Variants in PHKB observed in about 807,000 individuals in gnomAD.
The protein encoded by PHKB is phosphorylase kinase regulatory subunit beta.
In PHKB, 122 loss-of-function variants were observed where a neutral mutation model predicts 152.1. That is an observed-to-expected ratio of 0.80 (90% confidence interval 0.69 to 0.93). The LOEUF is 0.93. Ranked by LOEUF, PHKB falls within the 40% of genes least tolerant of loss-of-function variation. PHKB has a pLI of 0.00. For synonymous variants in PHKB, 436 were observed against 464.9 expected (o/e 0.94, Z 0.80); for missense variants, 1,304 against 1,328.4 (o/e 0.98, Z 0.29).
At chr16:47,599,403 G>T (rs1040837929) in intron 13 of PHKB, among the ~76,000 whole-genome samples, 3 of 152,102 alleles carry the variant, frequency 2.0e-5, no homozygotes, top group Non-Finnish European at 2.9e-5. Context: ...AGATAAAATT[G>T]ACAAGGCTAG....
At chr16:47,543,609 G>A (rs531701246) in intron 6 of PHKB, among the ~76,000 whole-genome samples, 33 of 152,262 alleles carry the variant, frequency 2.2e-4, no homozygotes, top group Admixed American at 1.2e-3. Flanking sequence ...GGTACAATTC[G>A]GCTGTGAATC....
chr16:47,598,824 T>C (rs1972168951), intron 13 of PHKB: 2 of 1,603,264 alleles, frequency 1.2e-6, no homozygotes, highest in East Asian at 2.2e-5. Context: ...CTGGTTCCGC[T>C]TTAACCATAG....
At chr16:47,474,281 G>A (rs1264587006) in intron 1 of PHKB, among the ~76,000 whole-genome samples, 2 of 152,076 alleles carry the variant, frequency 1.3e-5, no homozygotes, top group Non-Finnish European at 2.9e-5. Flanking sequence ...GGCAATTTAA[G>A]ATTCAAGTCT....
At chr16:47,474,259 G>A (rs1417284712) in intron 1 of PHKB, among the ~76,000 whole-genome samples, 1 of 152,002 alleles carries the variant, frequency 6.6e-6, no homozygotes, top group East Asian at 1.9e-4. Context: ...TGTTTACATG[G>A]CCCTCCTTTT....
rs567585939 is a variant in PHKB, at chr16:47,651,120, T to G, written c.1971+199T>G. On this transcript the variant is annotated intron_variant, in intron 20 of 30. Coordinates refer to ENST00000323584, the MANE Select transcript of PHKB (RefSeq NM_000293.3). The stretch of plus-strand genomic sequence containing the variant: ...CTTGAACACTTGCAGCAATTTCCTG[T>G]GCAGAATTTTAGACTTCAGTAGCTC... Among the ~76,000 whole-genome samples the G allele has an allele frequency of 2.0e-5, 3 of 152,312 alleles. No individual in the cohort carries two copies. In the South Asian group the frequency reaches 6.2e-4, roughly 32 times the overall value.
chr16:47,593,613 A>G (rs1442006940), intron 11 of PHKB, 56 bp downstream of exon 11: 2 of 1,036,796 alleles, frequency 1.9e-6, no homozygotes, highest in Non-Finnish European at 3.0e-6. Flanking sequence ...TTTAAGCTGT[A>G]GGATTTAAGT....
Position 47,504,573 on chromosome 16 carries a change from A to T in PHKB, c.405+1483A>T, listed in dbSNP as rs140290938. Among the ~76,000 whole-genome samples, 98 of 152,048 alleles carry T rather than the reference A, an allele frequency of 6.4e-4. 1 individual carries two copies. The highest frequency in any genetic ancestry group is 2.1e-3 in the African/African-American group (88 of 41,478). On this transcript the variant is annotated intron_variant, in intron 4 of 30. Coordinates refer to ENST00000323584, the MANE Select transcript of PHKB (RefSeq NM_000293.3). ...TAGCAGTCTCAGGCCTACTATATTA[A>T]CTCTTTTCAGGACAATCTGCATAAA...
In PHKB at chr16:47,669,478, C is replaced by T. The variant is rs530940317; in HGVS notation, c.2630+61C>T. Reference sequence around the variant, plus strand: ...TGTTCAAGTTGTCCTCTAACAGACCCGGCCTCTCCAAGTGAAGCAATGTTC... The same window carrying T: ...TGTTCAAGTTGTCCTCTAACAGACCTGGCCTCTCCAAGTGAAGCAATGTTC... On this transcript the variant is annotated intron_variant, in intron 26 of 30. Transcript: ENST00000323584. The T allele has an allele frequency of 2.1e-5, 31 of 1,457,460 alleles. No homozygotes were observed. In the African/African-American group the frequency reaches 3.1e-4, roughly 14 times the overall value. 90.3% of individuals were successfully genotyped at this position (1,457,460 alleles called of 1,614,324 possible). A position where few individuals can be genotyped will look rare whatever the true frequency, so the allele number is the denominator to read the frequency against.
Position 47,669,367 on chromosome 16 carries a change from C to T in PHKB, c.2580C>T (p.Ile860=). ...AACTGGTCATCCATATTGGCTGGAT[C>T]ATCTCCAATAACCCTGAGTTATTCA... ...QQELVIHIGW[I]ISNNPELFSG... is the part of the protein sequence containing the mutation. Residue 860 remains isoleucine (I), a synonymous_variant, in exon 26 of 31, where the codon ATC becomes ATT. Transcript: ENST00000323584. 1 of 1,614,164 alleles carries T rather than the reference C, an allele frequency of 6.2e-7. No homozygotes were observed.
At chr16:47,640,705 T>C (rs1973003022) in intron 14 of PHKB, among the ~76,000 whole-genome samples, 1 of 152,172 alleles carries the variant, frequency 6.6e-6, no homozygotes, top group African/African-American at 2.4e-5. Flanking sequence ...GTTCCTCCTC[T>C]TCCCTTTAGA....
intron 7 of PHKB, among the ~76,000 whole-genome samples, chr16:47,570,648 A>G (rs1432764423): frequency 6.6e-6 from 1 of 150,992 alleles, no homozygotes; most frequent in African/African-American, 2.4e-5. Context: ...TTTTTTTAAT[A>G]TCGACCTCTC....
chr16:47,483,193 CA>C (rs201577539), intron 1 of PHKB, among the ~76,000 whole-genome samples: 4,372 of 151,828 alleles, frequency 0.029, 130 homozygotes, highest in East Asian at 0.089. Flanking sequence ...CGCCCACCAC[CA>C]CACCCAGCTA....
At chr16:47,586,085 T>C (rs1259527955) in intron 8 of PHKB, among the ~76,000 whole-genome samples, 1 of 152,206 alleles carries the variant, frequency 6.6e-6, no homozygotes, top group Non-Finnish European at 1.5e-5. Flanking sequence ...AGCCTAGCTA[T>C]GGTCCTCACC....
At chr16:47,473,251 T>TTTTTG in intron 1 of PHKB, among the ~76,000 whole-genome samples, 1 of 136,598 alleles carries the variant, frequency 7.3e-6, no homozygotes, top group African/African-American at 2.7e-5. Flanking sequence ...TTTTTTTTTT[T>TTTTTG]TATTGTAGAG....
At chr16:47,596,607 G>A in intron 13 of PHKB, 76 bp downstream of exon 13, 1 of 1,402,874 alleles carries the variant, frequency 7.1e-7, no homozygotes, top group South Asian at 1.2e-5. Context: ...CTTTGCTGGT[G>A]TTTATGTTGG....
intron 7 of PHKB, among the ~76,000 whole-genome samples, chr16:47,558,961 T>C (rs1316845189): frequency 6.6e-6 from 1 of 152,246 alleles, no homozygotes; most frequent in East Asian, 1.9e-4. Flanking sequence ...TGTTTCTAAG[T>C]ACTGAATTTC....
intron 25 of PHKB, among the ~76,000 whole-genome samples, chr16:47,667,201 G>A (rs1973553698): frequency 1.3e-5 from 2 of 152,162 alleles, no homozygotes; most frequent in South Asian, 4.2e-4. Context: ...GGGGGCCAAG[G>A]CGGGAGGATC....
At chr16:47,504,949 CA>C (rs1970387157) in intron 4 of PHKB, among the ~76,000 whole-genome samples, 1 of 152,202 alleles carries the variant, frequency 6.6e-6, no homozygotes, top group South Asian at 2.1e-4. Flanking sequence ...TGTGCCTGGT[CA>C]GGGCAAAGCT....
intron 20 of PHKB, among the ~76,000 whole-genome samples, chr16:47,652,188 G>A (rs1408506715): frequency 1.3e-5 from 2 of 151,906 alleles, no homozygotes; most frequent in Non-Finnish European, 1.5e-5. Flanking sequence ...ATAGGAAGCT[G>A]TGTGCTTGGG....
Sources: gnomAD v4.1 joint callset for allele counts (sites outside exome capture counted in the v4.1 genomes callset) on GRCh38, gnomAD v4.1.1 for gene constraint, MANE v1.5 for transcripts, NCBI Gene and HGNC (gene_info 2026-07-23, HGNC 2026-07-21) for gene names.